Variants in ACSF3 observed in about 807,000 individuals in gnomAD.
The protein encoded by ACSF3 is acyl-CoA synthetase family member 3, also known as malonate--CoA ligase ACSF3, mitochondrial.
Under a neutral mutation model 53.2 loss-of-function variants are expected in ACSF3, and 78 were observed. The observed-to-expected ratio is 1.47, with a 90% CI of 1.22 to 1.77. ACSF3 has a LOEUF of 1.77. ACSF3 is among the 40% of genes most tolerant of loss of function. The pLI is 0.00. For synonymous variants in ACSF3, 414 were observed against 333.1 expected, an observed-to-expected ratio of 1.24 and a Z score of -2.65; for missense variants, 937 against 771.1, an observed-to-expected ratio of 1.22 and a Z score of -2.55.
chr16:89,094,766 A>G (rs1974416529), intron 1 of ACSF3, among the ~76,000 whole-genome samples: 1 of 152,166 alleles, frequency 6.6e-6, no homozygotes, highest in Admixed American at 6.5e-5. Context: ...GTGGTGGCGT[A>G]CACCTGCACT....
chr16:89,101,551 G>A (rs1392337138), intron 3 of ACSF3, among the ~76,000 whole-genome samples: 1 of 152,218 alleles, frequency 6.6e-6, no homozygotes, highest in Non-Finnish European at 1.5e-5. Flanking sequence ...GGCTCTGGGA[G>A]CGTCCAGGTG....
chr16:89,123,377 C>T (rs538935386), intron 7 of ACSF3, among the ~76,000 whole-genome samples: 19 of 152,336 alleles, frequency 1.2e-4, no homozygotes, highest in African/African-American at 3.8e-4. Context: ...CGCTCACACT[C>T]GCAGACGCAC....
At chr16:89,139,783 C>T (rs753942840) in intron 8 of ACSF3, among the ~76,000 whole-genome samples, 11 of 151,982 alleles carry the variant, frequency 7.2e-5, no homozygotes, top group Admixed American at 3.3e-4. Flanking sequence ...TTAGTAGAGA[C>T]GGGGTTTCAC....
chr16:89,122,448 T>C, intron 7 of ACSF3: 2 of 446,858 alleles, frequency 4.5e-6, no homozygotes. Context: ...ACTAGGCTGC[T>C]GGCCACACCC....
chr16:89,097,511 C>T (rs1182801122), intron 1 of ACSF3, among the ~76,000 whole-genome samples: 5 of 152,224 alleles, frequency 3.3e-5, no homozygotes, highest in African/African-American at 9.6e-5. Context: ...AGTGCCCAGT[C>T]GGTTTTCTGT....
At position 89,101,364 on chromosome 16, in the gene ACSF3, G is replaced by A. The variant is rs757696220; in HGVS notation, c.666+17G>A. 1.3e-5 allele frequency: 20 copies of A among 1,565,738 alleles called. No individual in the cohort carries two copies. Among genetic ancestry groups the A allele is most frequent in the Admixed American group, 5.7e-5 (3 of 52,680 alleles). On this transcript the variant is annotated intron_variant, in intron 3 of 10. Transcript: ENST00000614302. ...AGGGCTGTGGTGAGTGCCGCCTGGC[G>A]CCGTGATGGTTTCGGTGACCGCACA...
chr16:89,138,623 C>T (rs1462191199), intron 8 of ACSF3, among the ~76,000 whole-genome samples: 1 of 152,244 alleles, frequency 6.6e-6, no homozygotes, highest in Non-Finnish European at 1.5e-5. Context: ...CCTCTCTTCC[C>T]TTCTCAGAGC....
chr16:89,141,204 C>T, intron 8 of ACSF3: 1 of 1,287,250 alleles, frequency 7.8e-7, no homozygotes, highest in Non-Finnish European at 1.0e-6. Flanking sequence ...CCTCTGAGCC[C>T]TTGATAGCAG....
intron 4 of ACSF3, among the ~76,000 whole-genome samples, chr16:89,105,540 G>T (rs139084247): frequency 1.3e-5 from 2 of 152,140 alleles, no homozygotes; most frequent in Non-Finnish European, 2.9e-5. Flanking sequence ...CCTCCTCTCC[G>T]CCTTAAGCTC....
rs866077975 is a variant in ACSF3 at position 89,155,655 on chromosome 16, G to C, written c.*1448G>C. ...TGGACCCAAGGGAACGGCAGTCAGA[G>C]ACTACAGTCCAGACGTTTGTGTCTA... is the stretch of plus-strand genomic sequence containing the variant. On this transcript the variant is annotated 3_prime_UTR_variant, in exon 11 of 11. Transcript: ENST00000614302. The C allele has an allele frequency of 4.4e-6, 2 of 454,132 alleles. No homozygotes were observed. The highest frequency in any genetic ancestry group is 8.8e-6 in the Non-Finnish European group (2 of 226,778). The allele number at this position is 454,132 out of a possible 1,614,324, so 28.1% of individuals were successfully genotyped here. A position where few individuals can be genotyped will look rare whatever the true frequency, so the allele number is the denominator to read the frequency against.
intron 7 of ACSF3, among the ~76,000 whole-genome samples, chr16:89,129,896 G>A (rs532412624): frequency 1.0e-3 from 158 of 152,164 alleles, no homozygotes; most frequent in African/African-American, 3.6e-3. Flanking sequence ...CCTCCACATC[G>A]GTTACTTACC....
chr16:89,146,051 T>C lies in ACSF3; in HGVS notation c.1613+2T>C, dbSNP rs2151564932. ...CAGGGAGCTCAAAGAGTGGGCCAGGTAGGGCTGGGTGGGGCGGGCAGGGAG... is the reference window on the plus strand; with the variant it reads ...CAGGGAGCTCAAAGAGTGGGCCAGGCAGGGCTGGGTGGGGCGGGCAGGGAG... On this transcript the variant is annotated splice_donor_variant, in intron 10 of 10. Transcript: ENST00000614302. LOFTEE classifies it high-confidence loss of function. The C allele has an allele frequency of 6.8e-7, 1 of 1,481,018 alleles. No homozygotes were observed. Among genetic ancestry groups the C allele is most frequent in the Non-Finnish European group, 9.3e-7 (1 of 1,074,934 alleles). 91.7% of individuals were successfully genotyped at this position (1,481,018 alleles called of 1,614,324 possible).
chr16:89,136,061 C>T (rs1056476298), intron 8 of ACSF3, among the ~76,000 whole-genome samples: 4 of 152,278 alleles, frequency 2.6e-5, no homozygotes, highest in Non-Finnish European at 5.9e-5. Context: ...AGGCGTCAGC[C>T]ACTGCGTCTG....
chr16:89,119,115 G>A (rs1806264490), intron 6 of ACSF3, among the ~76,000 whole-genome samples: 1 of 152,086 alleles, frequency 6.6e-6, no homozygotes, highest in South Asian at 2.1e-4. Context: ...GGCGGCACCT[G>A]GAGTGTGGGG....
intron 8 of ACSF3, chr16:89,141,414 G>C: frequency 1.0e-6 from 1 of 955,382 alleles, no homozygotes; most frequent in South Asian, 1.5e-5. Context: ...GGAAGCAGCG[G>C]GGCCGCCCCT....
chr16:89,146,133 C>T, intron 10 of ACSF3, 84 bp downstream of exon 10: 1 of 1,022,962 alleles, frequency 9.8e-7, no homozygotes, highest in Non-Finnish European at 1.5e-6. Flanking sequence ...TTGGCATCGT[C>T]CGTCTTAGAG....
At chr16:89,132,029 C>A (rs1909432050) in intron 7 of ACSF3, among the ~76,000 whole-genome samples, 2 of 152,194 alleles carry the variant, frequency 1.3e-5, no homozygotes, top group African/African-American at 4.8e-5. Flanking sequence ...GTCAGCCCCT[C>A]CTGGAGGAGC....
intron 1 of ACSF3, among the ~76,000 whole-genome samples, chr16:89,094,734 A>G (rs895962595): frequency 2.4e-4 from 36 of 152,294 alleles, no homozygotes; most frequent in Non-Finnish European, 4.3e-4. Flanking sequence ...TCTCTACAAA[A>G]AAATGTAAAA....
Position 89,101,093 on chromosome 16 carries a change from A to G in ACSF3, c.412A>G (p.Ile138Val), listed in dbSNP as rs749221511. Residue 138 changes from isoleucine (I) to valine (V), a missense_variant, in exon 3 of 11, where the codon ATC becomes GTC. By Grantham distance (29) the Ile-to-Val change is conservative. Transcript: ENST00000614302. ...KHPAAQLEYV[I>V]CDSQSSVVLA... ...TCCCGCGGCCCAGCTGGAGTATGTC[A>G]TCTGCGACTCCCAGAGCTCTGTGGT... The G allele has an allele frequency of 6.2e-7, 1 of 1,614,062 alleles. No individual in the cohort carries two copies. The highest frequency in any genetic ancestry group is 2.2e-5 in the East Asian group (1 of 44,870).
Sources: gnomAD v4.1 joint callset for allele counts (sites outside exome capture counted in the v4.1 genomes callset) on GRCh38, gnomAD v4.1.1 for gene constraint, MANE v1.5 for transcripts, NCBI Gene and HGNC (gene_info 2026-07-23, HGNC 2026-07-21) for gene names.